The following SAMD5 variants were observed in gnomAD, a reference collection of about 807,000 sequenced individuals.
SAMD5 encodes sterile alpha motif domain containing 5.
Under a neutral mutation model 11.3 loss-of-function variants are expected in SAMD5, and 13 were observed. The observed-to-expected ratio is 1.15, with a 90% confidence interval of 0.75 to 1.83. The LOEUF (loss-of-function observed/expected upper bound fraction) is 1.83, where lower values mean the gene tolerates loss of function less well. Ranked by LOEUF, SAMD5 falls within the 40% of genes most tolerant of loss-of-function variation. The pLI, the probability that SAMD5 is intolerant of heterozygous loss-of-function variation, is 0.00. For synonymous variants in SAMD5, 129 were observed against 111.3 expected (o/e 1.16, Z -1.00); for missense variants, 255 against 239.1 (o/e 1.07, Z -0.44).
At chr6:147,620,925 AGT>A (rs1298492364) in intron 1 of SAMD5, among the ~76,000 whole-genome samples, 2 of 149,154 alleles carry the variant, frequency 1.3e-5, no homozygotes, top group Admixed American at 6.6e-5. Flanking sequence ...TGTGTATGTG[AGT>A]GTATGTTTGT....
At chr6:147,898,806 C>A in the SAMD5 span, among the ~76,000 whole-genome samples, 1 of 151,964 alleles carries the variant, frequency 6.6e-6, no homozygotes, top group African/African-American at 2.4e-5. Flanking sequence ...CATATATAGT[C>A]ATGATCAAGC....
chr6:147,883,689 C>T, the SAMD5 span, among the ~76,000 whole-genome samples: 1 of 152,168 alleles, frequency 6.6e-6, no homozygotes, highest in African/African-American at 2.4e-5. Flanking sequence ...AGAGAAATAA[C>T]CAGCTTCTAG....
chr6:147,679,049 A>G (rs967996793), intron 1 of SAMD5, among the ~76,000 whole-genome samples: 1 of 152,174 alleles, frequency 6.6e-6, no homozygotes, highest in African/African-American at 2.4e-5. Flanking sequence ...TAGATATACC[A>G]CAATTTGTTT....
the SAMD5 span, among the ~76,000 whole-genome samples, chr6:147,859,431 G>A: frequency 6.6e-6 from 1 of 152,190 alleles, no homozygotes; most frequent in African/African-American, 2.4e-5. Flanking sequence ...GCATAGCCCT[G>A]TTAAATACTG....
the SAMD5 span, among the ~76,000 whole-genome samples, chr6:147,805,639 C>T: frequency 3.9e-5 from 6 of 152,136 alleles, no homozygotes; most frequent in African/African-American, 1.4e-4. Flanking sequence ...AAGACTCAAT[C>T]CTGAAGACAC....
chr6:147,858,505 T>A, the SAMD5 span, among the ~76,000 whole-genome samples: 2 of 152,228 alleles, frequency 1.3e-5, no homozygotes, highest in Non-Finnish European at 2.9e-5. Flanking sequence ...TTAGATATTG[T>A]ACACTTGGAT....
intron 1 of SAMD5, among the ~76,000 whole-genome samples, chr6:147,731,933 C>T (rs965095133): frequency 6.6e-6 from 1 of 152,076 alleles, no homozygotes; most frequent in Non-Finnish European, 1.5e-5. Flanking sequence ...AGATTGACTA[C>T]ACTATTTCTA....
chr6:147,944,600 T>A, the SAMD5 span, among the ~76,000 whole-genome samples: 1 of 151,852 alleles, frequency 6.6e-6, no homozygotes, highest in Non-Finnish European at 1.5e-5. Flanking sequence ...CCCAAATGAA[T>A]ACAAATTCCC....
At chr6:147,920,559 A>G in the SAMD5 span, among the ~76,000 whole-genome samples, 1 of 152,176 alleles carries the variant, frequency 6.6e-6, no homozygotes. Context: ...ATATACATCT[A>G]TCCTATTCTG....
chr6:147,606,978 A>AAAAAAAAC (rs397708065), intron 1 of SAMD5, among the ~76,000 whole-genome samples: 2 of 148,154 alleles, frequency 1.3e-5, no homozygotes, highest in African/African-American at 2.6e-5. Context: ...AAAAAAAAAA[A>AAAAAAAAC]CAGAAAGAGA....
chr6:147,814,502 A>C, the SAMD5 span, among the ~76,000 whole-genome samples: 1 of 152,136 alleles, frequency 6.6e-6, no homozygotes, highest in Non-Finnish European at 1.5e-5. Flanking sequence ...CCGGCAACTC[A>C]ATGTCAGTTG....
the SAMD5 span, among the ~76,000 whole-genome samples, chr6:147,832,976 T>C: frequency 1.3e-5 from 2 of 152,252 alleles, no homozygotes; most frequent in East Asian, 1.9e-4. Flanking sequence ...GAAAATAAGA[T>C]ATAGTGGTTT....
chr6:147,602,781 CA>C (rs5880716), intron 1 of SAMD5, among the ~76,000 whole-genome samples: 110,055 of 150,600 alleles, frequency 0.73, 40,466 homozygotes, highest in African/African-American at 0.83. Flanking sequence ...ACCAACCAAA[CA>C]AAAAAAAAAC....
chr6:147,600,624 C>G (rs1583101785), intron 1 of SAMD5, among the ~76,000 whole-genome samples: 1 of 152,172 alleles, frequency 6.6e-6, no homozygotes, highest in Admixed American at 6.5e-5. Context: ...TCCACTCTCC[C>G]TCTCCTCATT....
At chr6:147,559,711 A>G in intron 1 of SAMD5, among the ~76,000 whole-genome samples, 1 of 152,222 alleles carries the variant, frequency 6.6e-6, no homozygotes, top group Non-Finnish European at 1.5e-5. Flanking sequence ...AAAAGAAAAT[A>G]CATGTAGATC....
chr6:147,776,247 G>A, the SAMD5 span, among the ~76,000 whole-genome samples: 1 of 152,142 alleles, frequency 6.6e-6, no homozygotes, highest in Non-Finnish European at 1.5e-5. Flanking sequence ...GTGACAGGAA[G>A]CTAGAATTTA....
At chr6:147,685,270 C>T (rs963686716) in intron 1 of SAMD5, among the ~76,000 whole-genome samples, 4 of 152,094 alleles carry the variant, frequency 2.6e-5, no homozygotes, top group African/African-American at 9.7e-5. Flanking sequence ...GATCTCGGCT[C>T]GCTGCAACCT....
chr6:147,529,514 T>C (rs1394246717), intron 1 of SAMD5, among the ~76,000 whole-genome samples: 1 of 152,210 alleles, frequency 6.6e-6, no homozygotes, highest in Non-Finnish European at 1.5e-5. Flanking sequence ...GATGAACTAT[T>C]CCTTTGTGTT....
chr6:147,840,106 T>A, the SAMD5 span, among the ~76,000 whole-genome samples: 25 of 152,242 alleles, frequency 1.6e-4, 1 homozygote, highest in Non-Finnish European at 2.4e-4. Context: ...GAAATGTCTG[T>A]ATACGTAAAT....
Sources: allele counts gnomAD v4.1 joint callset (sites outside exome capture counted in the v4.1 genomes callset), GRCh38; gene constraint gnomAD v4.1.1; transcripts MANE v1.5; gene names NCBI Gene and HGNC (gene_info 2026-07-23, HGNC 2026-07-21).